ZMAT4: variants seen among roughly 807,000 people sequenced by gnomAD.
ZMAT4 encodes the protein zinc finger matrin-type 4.
ZMAT4 carries 17 observed loss-of-function variants against 28.7 expected under a neutral mutation model. The ratio of observed to expected loss-of-function variants is 0.59; its 90% CI spans 0.41 to 0.89. The LOEUF is 0.89. ZMAT4 is among the 40% of genes least tolerant of loss of function. The probability of loss-of-function intolerance (pLI) is 0.00; values close to 1 mark genes in which losing one functional copy is unlikely to be tolerated. For missense variants in ZMAT4, 240 were observed against 283.8 expected (o/e 0.85, Z 1.11); for synonymous variants, 117 against 109.2 (o/e 1.07, Z -0.44).
chr8:40,659,600 A>G (rs899990316), intron 5 of ZMAT4, among the ~76,000 whole-genome samples: 3 of 152,134 alleles, frequency 2.0e-5, no homozygotes, highest in Non-Finnish European at 4.4e-5. Flanking sequence ...GAACAATCTG[A>G]TATTTCACGT....
At chr8:40,553,814 T>A (rs905167147) in intron 6 of ZMAT4, among the ~76,000 whole-genome samples, 1 of 152,150 alleles carries the variant, frequency 6.6e-6, no homozygotes, top group Non-Finnish European at 1.5e-5. Context: ...AACCAAAGAC[T>A]GTTAGATGAT....
At chr8:40,842,061 T>A (rs142531644) in intron 1 of ZMAT4, among the ~76,000 whole-genome samples, 236 of 152,302 alleles carry the variant, frequency 1.5e-3, no homozygotes, top group African/African-American at 4.8e-3. Flanking sequence ...TAGAAAGTAT[T>A]AGGTCTTCCC....
At chr8:40,663,242 G>A (rs540517949) in intron 5 of ZMAT4, among the ~76,000 whole-genome samples, 19 of 152,266 alleles carry the variant, frequency 1.2e-4, no homozygotes, top group African/African-American at 4.6e-4. Context: ...AGGGAAACTA[G>A]CCACCAACTT....
At chr8:40,623,911 C>T (rs1439690105) in intron 5 of ZMAT4, among the ~76,000 whole-genome samples, 1 of 152,048 alleles carries the variant, frequency 6.6e-6, no homozygotes, top group African/African-American at 2.4e-5. Flanking sequence ...TCCCTGGATC[C>T]TACAGGCATT....
chr8:40,566,664 C>T (rs1803936080), intron 6 of ZMAT4, among the ~76,000 whole-genome samples: 1 of 152,076 alleles, frequency 6.6e-6, no homozygotes, highest in South Asian at 2.1e-4. Flanking sequence ...TCTGAAGCTC[C>T]CCCCTACTCA....
chr8:40,795,650 A>G (rs1454138575), intron 2 of ZMAT4, among the ~76,000 whole-genome samples: 1 of 152,240 alleles, frequency 6.6e-6, no homozygotes, highest in African/African-American at 2.4e-5. Flanking sequence ...TCTGAGACTC[A>G]GGAACTCAGG....
intron 1 of ZMAT4, among the ~76,000 whole-genome samples, chr8:40,833,710 T>C (rs1043157227): frequency 6.6e-6 from 1 of 151,964 alleles, no homozygotes; most frequent in African/African-American, 2.4e-5. Context: ...ACCACCTGGG[T>C]CGACAGGCAG....
intron 5 of ZMAT4, among the ~76,000 whole-genome samples, chr8:40,595,774 T>A (rs988172843): frequency 2.0e-5 from 3 of 151,880 alleles, no homozygotes; most frequent in Non-Finnish European, 2.9e-5. Flanking sequence ...AGTATTTATG[T>A]AAAAAGTACT....
At chr8:40,638,996 G>A (rs1806900239) in intron 5 of ZMAT4, among the ~76,000 whole-genome samples, 1 of 152,182 alleles carries the variant, frequency 6.6e-6, no homozygotes, top group African/African-American at 2.4e-5. Context: ...TAGCCTTGCT[G>A]CACTCCCATA....
chr8:40,818,921 G>C (rs1276160688), intron 2 of ZMAT4, among the ~76,000 whole-genome samples: 1 of 152,222 alleles, frequency 6.6e-6, no homozygotes, highest in Non-Finnish European at 1.5e-5. Context: ...GGCATTAGCA[G>C]CTCTGGAAAG....
intron 5 of ZMAT4, among the ~76,000 whole-genome samples, chr8:40,616,210 T>G (rs1203765323): frequency 3.3e-5 from 5 of 152,214 alleles, no homozygotes; most frequent in African/African-American, 1.2e-4. Context: ...CCAGTTAGAA[T>G]GGCGATCATT....
intron 3 of ZMAT4, among the ~76,000 whole-genome samples, chr8:40,735,023 G>C (rs1038388555): frequency 6.6e-6 from 1 of 152,174 alleles, no homozygotes; most frequent in African/African-American, 2.4e-5. Context: ...TAAAATGGCT[G>C]GTGTGAGACA....
chr8:40,826,132 A>G (rs1816030511), intron 1 of ZMAT4, among the ~76,000 whole-genome samples: 1 of 152,172 alleles, frequency 6.6e-6, no homozygotes, highest in Admixed American at 6.5e-5. Flanking sequence ...TATGTGAGAT[A>G]TTTTTGCATG....
chr8:40,685,376 G>A (rs1809356903), intron 4 of ZMAT4, among the ~76,000 whole-genome samples: 2 of 152,150 alleles, frequency 1.3e-5, no homozygotes, highest in Non-Finnish European at 2.9e-5. Context: ...CTGCAAAGGA[G>A]GAAGTCAGTT....
chr8:40,660,413 T>C (rs189569129), intron 5 of ZMAT4, among the ~76,000 whole-genome samples: 62 of 152,332 alleles, frequency 4.1e-4, no homozygotes, highest in Non-Finnish European at 7.4e-4. Context: ...ATTGCTTGCA[T>C]TACCTGCTAG....
chr8:40,672,326 C>CTG (rs547274924), intron 5 of ZMAT4, among the ~76,000 whole-genome samples: 79 of 151,476 alleles, frequency 5.2e-4, no homozygotes, highest in African/African-American at 1.8e-3. Flanking sequence ...TGTGTGTGGC[C>CTG]TGTGTGTGTG....
intron 6 of ZMAT4, among the ~76,000 whole-genome samples, chr8:40,578,553 T>A (rs73622430): frequency 0.1 from 15,505 of 152,204 alleles, 1,378 homozygotes; most frequent in African/African-American, 0.24. Context: ...TTGATTTTTA[T>A]AAACAGACAA....
chr8:40,626,194 C>G (rs1238353820), intron 5 of ZMAT4, among the ~76,000 whole-genome samples: 2 of 151,240 alleles, frequency 1.3e-5, no homozygotes, highest in Admixed American at 6.6e-5. Flanking sequence ...AAGAAAAGAG[C>G]AGATGACTAA....
chr8:40,858,384 G>C (rs1053563692), intron 1 of ZMAT4, among the ~76,000 whole-genome samples: 19 of 152,238 alleles, frequency 1.2e-4, no homozygotes, highest in African/African-American at 4.6e-4. Context: ...TTAGTACAAG[G>C]CCATGTGCAA....
Sources: gnomAD v4.1 joint callset for allele counts (sites outside exome capture counted in the v4.1 genomes callset) on GRCh38, gnomAD v4.1.1 for gene constraint, MANE v1.5 for transcripts, NCBI Gene and HGNC (gene_info 2026-07-23, HGNC 2026-07-21) for gene names.